TSHZ3: variants seen among roughly 807,000 people sequenced by gnomAD.
TSHZ3 encodes teashirt homolog 3.
In TSHZ3, 10 loss-of-function variants were observed where a neutral mutation model predicts 64.5. The ratio of observed to expected loss-of-function variants is 0.16; its 90% CI spans 0.10 to 0.26. The LOEUF (loss-of-function observed/expected upper bound fraction) is 0.26, where lower values mean the gene tolerates loss of function less well. Ranked by LOEUF, TSHZ3 falls within the 10% of genes least tolerant of loss-of-function variation. The probability of loss-of-function intolerance (pLI) is 1.00; values close to 1 mark genes in which losing one functional copy is unlikely to be tolerated. For missense variants in TSHZ3, 1,242 were observed against 1,421.7 expected, an observed-to-expected ratio of 0.87 and a Z score of 2.03; for synonymous variants, 608 against 593.1, an observed-to-expected ratio of 1.03 and a Z score of -0.36.
chr19:31,294,967 C>T (rs529793096), intron 1 of TSHZ3, among the ~76,000 whole-genome samples: 2 of 152,334 alleles, frequency 1.3e-5, no homozygotes, highest in East Asian at 1.9e-4. Flanking sequence ...AATATCTACA[C>T]TCTGACCCAG....
chr19:31,273,243 G>GC (rs1976170439), downstream of TSHZ3, among the ~76,000 whole-genome samples: 2 of 152,142 alleles, frequency 1.3e-5, no homozygotes, highest in Non-Finnish European at 1.5e-5. Flanking sequence ...CGTGCCTGGA[G>GC]CCCTACTGCC....
intron 4 of TSHZ3, among the ~76,000 whole-genome samples, chr19:31,226,794 C>T (rs1248618208): frequency 6.6e-6 from 1 of 151,984 alleles, no homozygotes; most frequent in Non-Finnish European, 1.5e-5. Flanking sequence ...GTCACAGCAC[C>T]CCTTTCAGAC....
chr19:31,261,397 G>A (rs1975982007), intron 1 of TSHZ3, among the ~76,000 whole-genome samples: 1 of 152,162 alleles, frequency 6.6e-6, no homozygotes, highest in African/African-American at 2.4e-5. Context: ...GGCAAAGCCC[G>A]AGGGGTGGCC....
At position 31,276,717 on chromosome 19, in the gene TSHZ3, C is replaced by T. The variant is rs1239588307; in HGVS notation, c.3076G>A (p.Glu1026Lys). Residue 1026 changes from glutamate to lysine, a missense_variant, in exon 2 of 2, where the codon GAA becomes AAA. This residue lies in a region of TSHZ3 where 126 missense variants were observed against 140.6 expected (regional missense o/e 0.90). Transcript: ENST00000240587. The part of the protein sequence containing the change: ...SQIAQTKSPS[E>K]KMVTSSPEED... ...TCGGGGGAGGACGTCACCATTTTTT[C>T]TGACGGTGACTTGGTTTGTGCTATC... 1 of 1,613,418 alleles carries T rather than the reference C, an allele frequency of 6.2e-7. No individual in the cohort carries two copies. Among genetic ancestry groups the T allele is most frequent in the Admixed American group, 1.7e-5 (1 of 59,966 alleles).
chr19:31,154,378 T>A (rs1279825371), intron 6 of TSHZ3, among the ~76,000 whole-genome samples: 1 of 152,196 alleles, frequency 6.6e-6, no homozygotes, highest in Non-Finnish European at 1.5e-5. Context: ...GACACTGAAT[T>A]GGCCCAAATG....
intron 1 of TSHZ3, among the ~76,000 whole-genome samples, chr19:31,337,000 TTTC>T (rs1342380407): frequency 7.1e-6 from 1 of 139,898 alleles, no homozygotes; most frequent in African/African-American, 2.7e-5. Flanking sequence ...TTCCTTTCTT[TTTC>T]TTTTTTTCTA....
intron 1 of TSHZ3, among the ~76,000 whole-genome samples, chr19:31,266,338 G>A (rs1976053869): frequency 6.6e-6 from 1 of 152,122 alleles, no homozygotes. Flanking sequence ...GTGGTGCATG[G>A]CTGTGGTCCC....
chr19:31,237,639 C>T (rs1323152309), intron 3 of TSHZ3, among the ~76,000 whole-genome samples: 1 of 152,088 alleles, frequency 6.6e-6, no homozygotes, highest in Non-Finnish European at 1.5e-5. Context: ...TCTGTCCTCT[C>T]TTTGCTTTGA....
At chr19:31,286,237 C>G (rs906448739) in intron 1 of TSHZ3, among the ~76,000 whole-genome samples, 5 of 152,218 alleles carry the variant, frequency 3.3e-5, no homozygotes, top group Admixed American at 6.5e-5. Context: ...ACTGCCTGAA[C>G]TGAAGAACTT....
chr19:31,256,566 C>T (rs62101254), intron 1 of TSHZ3, among the ~76,000 whole-genome samples: 106 of 152,348 alleles, frequency 7.0e-4, no homozygotes, highest in Non-Finnish European at 1.3e-3. Context: ...ACACAGCAAA[C>T]ATGTACAGAG....
At chr19:31,230,696 T>C (rs1224236317) in intron 3 of TSHZ3, among the ~76,000 whole-genome samples, 1 of 137,678 alleles carries the variant, frequency 7.3e-6, no homozygotes, top group Non-Finnish European at 1.6e-5. Flanking sequence ...TCACTGCTTT[T>C]TTTTTTTTTT....
intron 1 of TSHZ3, among the ~76,000 whole-genome samples, chr19:31,280,337 CT>C (rs993688645): frequency 1.3e-3 from 182 of 144,836 alleles, no homozygotes; most frequent in East Asian, 6.4e-3. Context: ...GATTTTGTGG[CT>C]TTTTTTTTTT....
intron 1 of TSHZ3, among the ~76,000 whole-genome samples, chr19:31,280,879 C>G (rs1330447333): frequency 6.6e-6 from 1 of 152,166 alleles, no homozygotes; most frequent in African/African-American, 2.4e-5. Flanking sequence ...TGTTTTCATT[C>G]TCTTGCATTC....
chr19:31,185,736 T>A (rs1006682662), intron 5 of TSHZ3, among the ~76,000 whole-genome samples: 1 of 152,356 alleles, frequency 6.6e-6, no homozygotes, highest in Non-Finnish European at 1.5e-5. Flanking sequence ...TTTTGGCACA[T>A]GCACAGCCAC....
At chr19:31,167,353 T>G (rs1568334892) in intron 5 of TSHZ3, among the ~76,000 whole-genome samples, 1 of 152,192 alleles carries the variant, frequency 6.6e-6, no homozygotes, top group Non-Finnish European at 1.5e-5. Flanking sequence ...ATCTGAGAGA[T>G]TGAAGGGACC....
chr19:31,161,589 C>A (rs1055252298), intron 5 of TSHZ3, among the ~76,000 whole-genome samples: 1 of 152,138 alleles, frequency 6.6e-6, no homozygotes, highest in Non-Finnish European at 1.5e-5. Context: ...AAGAGATGTT[C>A]TCTGAGTCGC....
At chr19:31,160,591 T>G (rs926615822) in intron 5 of TSHZ3, among the ~76,000 whole-genome samples, 4 of 152,092 alleles carry the variant, frequency 2.6e-5, no homozygotes, top group Admixed American at 2.6e-4. Flanking sequence ...GGGAAAGGCC[T>G]CAGCTTCTAA....
intron 5 of TSHZ3, among the ~76,000 whole-genome samples, chr19:31,174,988 TC>T (rs1290838646): frequency 1.3e-5 from 2 of 152,198 alleles, no homozygotes; most frequent in African/African-American, 4.8e-5. Context: ...CTGACTTGGG[TC>T]CCACACAGCA....
At chr19:31,234,879 T>TGTTA (rs1396792237) in intron 3 of TSHZ3, among the ~76,000 whole-genome samples, 2 of 152,164 alleles carry the variant, frequency 1.3e-5, no homozygotes, top group African/African-American at 4.8e-5. Context: ...TAATAACATA[T>TGTTA]GTTAGGAAGC....
Sources: gnomAD v4.1 joint callset for allele counts (sites outside exome capture counted in the v4.1 genomes callset) on GRCh38, gnomAD v4.1.1 for gene constraint, gnomAD v4.1.1 regional missense constraint, MANE v1.5 for transcripts, NCBI Gene and HGNC (gene_info 2026-07-23, HGNC 2026-07-21) for gene names.